Variants in CTNNA2 observed in about 807,000 individuals in gnomAD.
The protein encoded by CTNNA2 is catenin alpha-2.
Under a neutral mutation model 101.0 loss-of-function variants are expected in CTNNA2, and 42 were observed. That is an observed-to-expected ratio of 0.42 (90% CI 0.32 to 0.54). CTNNA2 has a LOEUF of 0.54. Ranked by LOEUF, CTNNA2 falls within the 20% of genes least tolerant of loss-of-function variation. The pLI is 0.14. For synonymous variants in CTNNA2, 450 were observed against 456.4 expected (o/e 0.99, Z 0.18); for missense variants, 871 against 1,223.1 (o/e 0.71, Z 4.29).
chr2:79,386,622 C>T (rs1266711389), intron 4 of CTNNA2, among the ~76,000 whole-genome samples: 3 of 152,176 alleles, frequency 2.0e-5, no homozygotes, highest in Non-Finnish European at 2.9e-5. Context: ...GCCTGCCTTA[C>T]TTAACTATTT....
At chr2:80,486,901 G>T (rs1012810402) in intron 9 of CTNNA2, among the ~76,000 whole-genome samples, 21 of 152,096 alleles carry the variant, frequency 1.4e-4, no homozygotes, top group Non-Finnish European at 1.2e-4. Flanking sequence ...ATCCCACATT[G>T]TGTGTAGTGC....
intron 4 of CTNNA2, among the ~76,000 whole-genome samples, chr2:79,418,109 C>A (rs1479242637): frequency 1.3e-5 from 2 of 152,016 alleles, no homozygotes; most frequent in East Asian, 3.9e-4. Flanking sequence ...CTGAGTCAAT[C>A]CTGCATGGGT....
At chr2:79,539,461 G>A (rs763438248) in intron 1 of CTNNA2, among the ~76,000 whole-genome samples, 3 of 152,142 alleles carry the variant, frequency 2.0e-5, no homozygotes, top group Non-Finnish European at 4.4e-5. Context: ...GACTGTATGA[G>A]GCCCTTGGAA....
At chr2:80,391,445 G>A (rs569438491) in intron 7 of CTNNA2, among the ~76,000 whole-genome samples, 82 of 152,236 alleles carry the variant, frequency 5.4e-4, no homozygotes, top group Admixed American at 2.0e-3. Flanking sequence ...TCCTCCATCT[G>A]TTGCAGCCAA....
chr2:79,409,567 C>T (rs1488541255), intron 4 of CTNNA2, among the ~76,000 whole-genome samples: 1 of 150,886 alleles, frequency 6.6e-6, no homozygotes, highest in Non-Finnish European at 1.5e-5. Context: ...ATCCTTTCCC[C>T]ATTGCTTGTT....
chr2:79,608,810 G>A (rs1220814170), intron 1 of CTNNA2, among the ~76,000 whole-genome samples: 1 of 152,016 alleles, frequency 6.6e-6, no homozygotes, highest in Non-Finnish European at 1.5e-5. Context: ...AATGTTAAAA[G>A]ACAGATGAGT....
intron 2 of CTNNA2, chr2:79,312,595 T>A (rs1450825738): frequency 6.6e-6 from 1 of 152,224 alleles, no homozygotes; most frequent in Non-Finnish European, 1.5e-5. Context: ...GAGAGATCCC[T>A]ATTTAAAAAT....
chr2:79,207,895 G>C (rs556612551), intron 2 of CTNNA2, among the ~76,000 whole-genome samples: 2 of 152,288 alleles, frequency 1.3e-5, no homozygotes, highest in Non-Finnish European at 2.9e-5. Flanking sequence ...TTTGGAATTT[G>C]GAGTAGAGAG....
At chr2:80,491,439 G>A (rs890183560) in intron 9 of CTNNA2, among the ~76,000 whole-genome samples, 1 of 152,182 alleles carries the variant, frequency 6.6e-6, no homozygotes, top group East Asian at 1.9e-4. Flanking sequence ...TAGTTATTGA[G>A]TTGAATTTTG....
intron 9 of CTNNA2, among the ~76,000 whole-genome samples, chr2:80,528,985 G>T (rs1262469747): frequency 1.3e-5 from 2 of 152,160 alleles, no homozygotes; most frequent in East Asian, 1.9e-4. Context: ...GAAATAAAAA[G>T]ATCCTTCTCT....
intron 7 of CTNNA2, among the ~76,000 whole-genome samples, chr2:80,279,210 G>T (rs1674171451): frequency 6.6e-6 from 1 of 152,036 alleles, no homozygotes; most frequent in South Asian, 2.1e-4. Flanking sequence ...TGCCATCTGG[G>T]CAAGAGAACT....
chr2:80,002,667 C>T (rs565299391), intron 7 of CTNNA2, among the ~76,000 whole-genome samples: 50 of 152,108 alleles, frequency 3.3e-4, no homozygotes, highest in African/African-American at 1.1e-3. Context: ...TAAGTTCTTG[C>T]CCAGTGCTGA....
At chr2:79,848,490 C>T (rs1056614800) in intron 3 of CTNNA2, among the ~76,000 whole-genome samples, 1 of 152,100 alleles carries the variant, frequency 6.6e-6, no homozygotes, top group Admixed American at 6.5e-5. Flanking sequence ...TGCCATATTG[C>T]GGCTTCATAA....
intron 2 of CTNNA2, among the ~76,000 whole-genome samples, chr2:79,292,525 T>C (rs1675850673): frequency 6.6e-6 from 1 of 152,158 alleles, no homozygotes; most frequent in South Asian, 2.1e-4. Flanking sequence ...AACTAAAAGA[T>C]GAAGCTTTCT....
At chr2:79,365,335 GATA>G (rs1285304854) in intron 3 of CTNNA2, among the ~76,000 whole-genome samples, 12 of 152,046 alleles carry the variant, frequency 7.9e-5, no homozygotes, top group African/African-American at 2.9e-4. Context: ...AAAGTGACAA[GATA>G]ATAGCCAAGG....
chr2:80,511,577 A>G (rs1284125490), intron 9 of CTNNA2, among the ~76,000 whole-genome samples: 2 of 152,210 alleles, frequency 1.3e-5, no homozygotes, highest in Non-Finnish European at 2.9e-5. Context: ...CAAAATATAT[A>G]TCATTGTCAA....
In CTNNA2 at chr2:80,250,202, A is replaced by AGTGTGTGTGT. The variant is rs1344701609; in HGVS notation, c.1057-143008_1057-143007insTGTGTGTGTG. 1.7e-3 allele frequency among the ~76,000 whole-genome samples: 235 copies of AGTGTGTGTGT among 142,252 alleles called. 1 individual carries two copies. Among genetic ancestry groups the AGTGTGTGTGT allele is most frequent in the African/African-American group, 6.5e-3 (224 of 34,504 alleles). 93.3% of individuals were successfully genotyped at this position (142,252 alleles called of 152,430 possible). The stretch of plus-strand genomic sequence containing the variant: ...TGGGGGGAGAGAGAGAGAGAGAGAG[A>AGTGTGTGTGT]GAGTGTGTGTGTGTGTGTGTGTGTG... On this transcript the variant is annotated intron_variant, in intron 7 of 18. Transcript: ENST00000402739.
At chr2:79,218,345 G>GTA (rs1393675703) in intron 2 of CTNNA2, among the ~76,000 whole-genome samples, 2 of 70,802 alleles carry the variant, frequency 2.8e-5, no homozygotes, top group African/African-American at 8.5e-5. Context: ...GTGTGTGTGT[G>GTA]TGTGTATTTT....
At chr2:80,611,338 A>G (rs1698452953) in intron 17 of CTNNA2, among the ~76,000 whole-genome samples, 1 of 150,974 alleles carries the variant, frequency 6.6e-6, no homozygotes, top group South Asian at 2.1e-4. Context: ...GAGAAGAGGC[A>G]TAAAAGAAGA....
Sources: gnomAD v4.1 joint callset for allele counts (sites outside exome capture counted in the v4.1 genomes callset) on GRCh38, gnomAD v4.1.1 for gene constraint, MANE v1.5 for transcripts, NCBI Gene and HGNC (gene_info 2026-07-23, HGNC 2026-07-21) for gene names.